Variants in RBFOX1 observed in about 807,000 individuals in gnomAD.
The protein encoded by RBFOX1 is RNA binding protein fox-1 homolog 1.
A neutral mutation model predicts 57.7 loss-of-function variants in RBFOX1; 8 were observed. The ratio of observed to expected loss-of-function variants is 0.14; its 90% confidence interval spans 0.08 to 0.25. The LOEUF is 0.25. RBFOX1 is among the 10% of genes least tolerant of loss of function. The probability of loss-of-function intolerance (pLI) is 1.00; values close to 1 mark genes in which losing one functional copy is unlikely to be tolerated. For synonymous variants in RBFOX1, 326 were observed against 222.4 expected (o/e 1.47, Z -4.15); for missense variants, 611 against 548.5 (o/e 1.11, Z -1.14).
chr16:6,316,091 G>A (rs12929968), intron 1 of RBFOX1, among the ~76,000 whole-genome samples: 48,398 of 151,964 alleles, frequency 0.32, 8,188 homozygotes, highest in Middle Eastern at 0.41. Context: ...TTCAATTATC[G>A]ATGGATCAGG....
chr16:7,323,936 T>A lies in RBFOX1; in HGVS notation c.28-194211T>A, dbSNP rs557136466. Among the ~76,000 whole-genome samples the A allele has an allele frequency of 1.3e-4, 20 of 151,908 alleles. No individual in the cohort carries two copies. The East Asian group carries it at 3.9e-3, about 29-fold the overall frequency. The stretch of plus-strand genomic sequence containing the variant: ...GGTGGGTAGACGGATGGGTGGATGA[T>A]GAGTGGGTGGATGGATGGATGGTGT... On this transcript the variant is annotated intron_variant, in intron 4 of 15. Transcript: ENST00000550418.
At chr16:7,403,707 A>T (rs889562275) in intron 4 of RBFOX1, among the ~76,000 whole-genome samples, 1 of 151,196 alleles carries the variant, frequency 6.6e-6, no homozygotes, top group Non-Finnish European at 1.5e-5. Context: ...CCACTACTCC[A>T]TGTGAATTTT....
At chr16:5,703,904 A>G (rs534766286) in intron 3 of RBFOX1, among the ~76,000 whole-genome samples, 2 of 152,180 alleles carry the variant, frequency 1.3e-5, no homozygotes, top group Non-Finnish European at 2.9e-5. Flanking sequence ...AGCATATTCA[A>G]AATTTTACAG....
At chr16:6,973,409 A>G (rs972090442) in intron 3 of RBFOX1, among the ~76,000 whole-genome samples, 10 of 152,198 alleles carry the variant, frequency 6.6e-5, no homozygotes, top group Admixed American at 2.0e-4. Context: ...ACATCAGTCA[A>G]TCAGGAAGCA....
At chr16:6,526,733 G>C (rs1015106835) in intron 2 of RBFOX1, among the ~76,000 whole-genome samples, 2 of 149,654 alleles carry the variant, frequency 1.3e-5, no homozygotes, top group African/African-American at 4.9e-5. Context: ...GGGAGGCTGA[G>C]GCAGGAGAAT....
chr16:6,132,554 A>G (rs1000959413), intron 1 of RBFOX1, among the ~76,000 whole-genome samples: 1 of 152,214 alleles, frequency 6.6e-6, no homozygotes, highest in Non-Finnish European at 1.5e-5. Context: ...ACCTACTGCC[A>G]TAAGTTCAGT....
At chr16:7,179,098 G>A (rs769935369) in intron 4 of RBFOX1, among the ~76,000 whole-genome samples, 2 of 151,936 alleles carry the variant, frequency 1.3e-5, no homozygotes, top group Admixed American at 6.6e-5. Context: ...GTTCAACTTC[G>A]TTTTGGTCAG....
chr16:6,978,292 G>T (rs1420494484), intron 3 of RBFOX1, among the ~76,000 whole-genome samples: 3 of 152,180 alleles, frequency 2.0e-5, no homozygotes, highest in East Asian at 1.9e-4. Context: ...TGTCTTTATT[G>T]TGGTACTATG....
intron 1 of RBFOX1, among the ~76,000 whole-genome samples, chr16:6,103,131 C>T (rs750215570): frequency 1.3e-5 from 2 of 152,186 alleles, no homozygotes; most frequent in East Asian, 1.9e-4. Context: ...TATCTGAGAA[C>T]ATGCAATATT....
rs377714822 is a variant in RBFOX1, at chr16:5,738,891, A to G, written c.319-128412A>G. Among the ~76,000 whole-genome samples the G allele has an allele frequency of 1.8e-4, 27 of 152,310 alleles. No homozygotes were observed. The East Asian group carries it at 2.5e-3, about 14-fold the overall frequency. On this transcript the variant is annotated intron_variant, in intron 3 of 19. Coordinates refer to the RBFOX1 transcript ENST00000641259. ...GTTTCCTTAATGTCAACATTGATGC[A>G]AACAACCAGGGAAGATGGATGAACT... is the stretch of plus-strand genomic sequence containing the variant.
At chr16:5,407,817 G>T (rs2066906896) in intron 1 of RBFOX1, among the ~76,000 whole-genome samples, 1 of 152,220 alleles carries the variant, frequency 6.6e-6, no homozygotes, top group Admixed American at 6.5e-5. Context: ...CCAAAGTGCT[G>T]GGATTACAGG....
chr16:6,245,533 C>T (rs768089734), intron 1 of RBFOX1, among the ~76,000 whole-genome samples: 6 of 152,176 alleles, frequency 3.9e-5, no homozygotes, highest in Non-Finnish European at 8.8e-5. Context: ...CCACGGTCTG[C>T]AGTGCAACAT....
intron 6 of RBFOX1, among the ~76,000 whole-genome samples, chr16:7,581,345 G>T (rs1000659964): frequency 6.6e-6 from 1 of 152,212 alleles, no homozygotes; most frequent in Non-Finnish European, 1.5e-5. Flanking sequence ...GGTTAAGTGT[G>T]TGTGAGGCAG....
intron 4 of RBFOX1, among the ~76,000 whole-genome samples, chr16:7,308,310 T>TTTTC (rs199716868): frequency 1.6e-4 from 24 of 151,022 alleles, no homozygotes; most frequent in Admixed American, 7.9e-4. Context: ...TTTTTTTTTT[T>TTTTC]CCACTGAGTT....
At chr16:6,610,857 A>G (rs540815947) in intron 2 of RBFOX1, among the ~76,000 whole-genome samples, 1 of 152,330 alleles carries the variant, frequency 6.6e-6, no homozygotes, top group African/African-American at 2.4e-5. Flanking sequence ...TTGACTGCCA[A>G]ACTGTTCTTT....
intron 3 of RBFOX1, among the ~76,000 whole-genome samples, chr16:6,947,871 G>A (rs550384085): frequency 1.1e-3 from 164 of 152,226 alleles, no homozygotes; most frequent in African/African-American, 3.8e-3. Flanking sequence ...CCACCTCATG[G>A]GTTCAAGCGT....
intron 2 of RBFOX1, among the ~76,000 whole-genome samples, chr16:6,377,927 A>G (rs1487061623): frequency 1.3e-5 from 2 of 152,090 alleles, no homozygotes; most frequent in African/African-American, 4.8e-5. Context: ...GTGCTTCTCA[A>G]AGATGATTCC....
At chr16:6,692,296 C>G (rs1402920718) in intron 3 of RBFOX1, among the ~76,000 whole-genome samples, 1 of 108,394 alleles carries the variant, frequency 9.2e-6, no homozygotes, top group Non-Finnish European at 2.2e-5. Flanking sequence ...ATTCATACCT[C>G]TCTAACATTA....
chr16:7,709,919 G>T, intron 15 of RBFOX1: 1 of 1,054,662 alleles, frequency 9.5e-7, no homozygotes, highest in Non-Finnish European at 1.1e-6. Flanking sequence ...CTTGGATCAA[G>T]AATATCAGTC....
Sources: allele counts gnomAD v4.1 joint callset (sites outside exome capture counted in the v4.1 genomes callset), GRCh38; gene constraint gnomAD v4.1.1; transcripts MANE v1.5; gene names NCBI Gene and HGNC (gene_info 2026-07-23, HGNC 2026-07-21).